Variants in PRKAG2 observed in about 807,000 individuals in gnomAD.
PRKAG2 encodes 5'-AMP-activated protein kinase subunit gamma-2.
In PRKAG2, 26 loss-of-function variants were observed where a neutral mutation model predicts 69.6. The ratio of observed to expected loss-of-function variants is 0.37; its 90% CI spans 0.27 to 0.52. The LOEUF (loss-of-function observed/expected upper bound fraction) is 0.52. Ranked by LOEUF, PRKAG2 falls within the 20% of genes least tolerant of loss-of-function variation. The probability of loss-of-function intolerance (pLI) is 0.90; values close to 1 mark genes in which losing one functional copy is unlikely to be tolerated. For missense variants in PRKAG2, 557 were observed against 740.0 expected (o/e 0.75, Z 2.87); for synonymous variants, 293 against 285.0 (o/e 1.03, Z -0.28).
intron 3 of PRKAG2, among the ~76,000 whole-genome samples, chr7:151,762,872 C>T (rs561557759): frequency 5.3e-5 from 8 of 152,314 alleles, no homozygotes; most frequent in Admixed American, 2.6e-4. Flanking sequence ...TGACTGATGG[C>T]TGGCTGGGAT....
chr7:151,801,746 G>A (rs1435879505), intron 1 of PRKAG2, among the ~76,000 whole-genome samples: 1 of 152,258 alleles, frequency 6.6e-6, no homozygotes, highest in East Asian at 1.9e-4. Flanking sequence ...CTGCTGAGAT[G>A]TGAGGCCAAA....
chr7:151,761,241 T>C (rs2075396568), intron 3 of PRKAG2, among the ~76,000 whole-genome samples: 2 of 152,162 alleles, frequency 1.3e-5, no homozygotes, highest in African/African-American at 2.4e-5. Context: ...AAAACACCAT[T>C]GCAAAACTAA....
intron 1 of PRKAG2, among the ~76,000 whole-genome samples, chr7:151,845,946 G>A (rs79307466): frequency 0.011 from 1,749 of 152,278 alleles, 38 homozygotes; most frequent in African/African-American, 0.039. Context: ...GAACACAGAC[G>A]GGTGCTGTCC....
At chr7:151,560,343 C>G (rs1050436959) in intron 15 of PRKAG2, 181 bp downstream of exon 15, 7 of 1,516,460 alleles carry the variant, frequency 4.6e-6, no homozygotes, top group Non-Finnish European at 6.2e-6. Context: ...ACACTTTCCT[C>G]ACTCACGCAG....
rs1360070443 is a variant in PRKAG2, at chr7:151,850,337, G to A, written c.114+26170C>T. ...CCAGAAGGTTTCTCCTGGAAGGAGG[G>A]ATCAAATCTGTCTAAGCTCCGAAGT... On this transcript the variant is annotated intron_variant, in intron 1 of 15. Transcript: ENST00000287878. This position sits in a 1 kb window ranked among gnomAD's most constrained non-coding sequence, Gnocchi z 4.1. Among the ~76,000 whole-genome samples, 1 of 152,204 alleles carries A rather than the reference G, an allele frequency of 6.6e-6. No homozygotes were observed. The highest frequency in any genetic ancestry group is 2.4e-5 in the African/African-American group (1 of 41,454).
intron 4 of PRKAG2, among the ~76,000 whole-genome samples, chr7:151,674,230 C>G (rs528481527): frequency 6.6e-5 from 10 of 152,302 alleles, no homozygotes; most frequent in Non-Finnish European, 1.5e-4. Flanking sequence ...TGGAGTAACA[C>G]TGTCACAAGC....
chr7:151,574,584 C>T (rs1016250769), intron 8 of PRKAG2, among the ~76,000 whole-genome samples: 13 of 152,166 alleles, frequency 8.5e-5, no homozygotes, highest in African/African-American at 3.1e-4. Context: ...ACTTACAGAA[C>T]GTCTAGCTAA....
intron 3 of PRKAG2, among the ~76,000 whole-genome samples, chr7:151,735,172 T>C (rs1799578313): frequency 6.6e-6 from 1 of 152,034 alleles, no homozygotes; most frequent in Non-Finnish European, 1.5e-5. Context: ...TCTTAATAAA[T>C]GAAATCTGAC....
intron 1 of PRKAG2, among the ~76,000 whole-genome samples, chr7:151,831,125 G>A (rs566209591): frequency 1.3e-5 from 2 of 152,246 alleles, no homozygotes; most frequent in South Asian, 2.1e-4. Context: ...CATATTGCTG[G>A]GAATTGCTGG....
chr7:151,876,452 G>A, intron 1 of PRKAG2, 55 bp downstream of exon 1: 1 of 1,530,592 alleles, frequency 6.5e-7, no homozygotes, highest in South Asian at 1.1e-5. Context: ...CTTCGGCGCC[G>A]GGGACGGGAG....
At chr7:151,863,217 A>G (rs2079980574) in intron 1 of PRKAG2, among the ~76,000 whole-genome samples, 1 of 150,194 alleles carries the variant, frequency 6.7e-6, no homozygotes, top group South Asian at 2.1e-4. Context: ...GGGTAGAGGC[A>G]GCACTGGTAA....
intron 1 of PRKAG2, among the ~76,000 whole-genome samples, chr7:151,822,281 A>G (rs952916580): frequency 1.3e-5 from 2 of 152,118 alleles, no homozygotes; most frequent in Non-Finnish European, 2.9e-5. Context: ...TGGGTTCAGG[A>G]GGGCAGCAGG....
In PRKAG2 at chr7:151,632,057, G is replaced by A. The variant is rs1824631345; in HGVS notation, c.754+12C>T. On this transcript the variant is annotated intron_variant, in intron 5 of 15. Transcript: ENST00000287878. The surrounding 1 kb of genome is among the most constrained non-coding windows in gnomAD (Gnocchi z 4.2). The stretch of plus-strand genomic sequence containing the variant: ...GGGAGCGCCGGGCCGGCAGCGGGCG[G>A]GGCGCACTCACCTTCGTCCTCGAAC... The A allele has an allele frequency of 1.4e-6, 2 of 1,379,458 alleles. No individual in the cohort carries two copies. The highest frequency in any genetic ancestry group is 1.9e-6 in the Non-Finnish European group (2 of 1,052,626). The allele number at this position is 1,379,458 out of a possible 1,614,324, so 85.5% of individuals were successfully genotyped here.
At chr7:151,748,971 C>A (rs918056286) in intron 3 of PRKAG2, among the ~76,000 whole-genome samples, 7 of 146,106 alleles carry the variant, frequency 4.8e-5, no homozygotes, top group African/African-American at 2.0e-4. Context: ...GTTTTCTGGG[C>A]TTTAGGCAAC....
intron 3 of PRKAG2, among the ~76,000 whole-genome samples, chr7:151,741,538 G>C (rs961970674): frequency 2.7e-4 from 41 of 152,220 alleles, no homozygotes; most frequent in African/African-American, 9.9e-4. Flanking sequence ...AGCTGGGCAT[G>C]GTGGTGCATG....
intron 3 of PRKAG2, among the ~76,000 whole-genome samples, chr7:151,755,012 G>A (rs962118285): frequency 8.5e-5 from 13 of 152,262 alleles, no homozygotes; most frequent in Admixed American, 8.5e-4. Flanking sequence ...GAGTGCTCTT[G>A]GGCCTGACAA....
intron 1 of PRKAG2, among the ~76,000 whole-genome samples, chr7:151,859,941 T>C (rs1474913301): frequency 6.6e-6 from 1 of 152,120 alleles, no homozygotes; most frequent in Non-Finnish European, 1.5e-5. Flanking sequence ...GGACGCAGGG[T>C]TGCAGGACAC....
chr7:151,781,298 G>A lies in PRKAG2; in HGVS notation c.320C>T (p.Pro107Leu), dbSNP rs730880985. The A allele has an allele frequency of 6.1e-5, 98 of 1,613,896 alleles. No homozygotes were observed. Among genetic ancestry groups the A allele is most frequent in the Non-Finnish European group, 8.0e-5 (94 of 1,180,022 alleles). ...TGGCGGGGACTCCTGGTAGGAGAAC[G>A]GGAACACGGTTTTGGGAGAGCCGGG... ...TSPGSPKTVFPFSYQESPPRS... is the reference protein window; with the variant it reads ...TSPGSPKTVFLFSYQESPPRS... Residue 107 changes from proline to leucine, a missense_variant, in exon 3 of 16, where the codon CCG (proline) becomes CTG (leucine). Around this residue, in one of 2 missense-constraint regions of PRKAG2, gnomAD observed 352 missense variants for 356.7 expected, o/e 0.99. Coordinates refer to ENST00000287878, the MANE Select transcript of PRKAG2 (RefSeq NM_016203.4). This position sits in a 1 kb window ranked among gnomAD's most constrained non-coding sequence, Gnocchi z 6.1.
Position 151,780,868 on chromosome 7 carries a change from G to A in PRKAG2, c.466+284C>T, listed in dbSNP as rs1266442762. ...TGTCATCTGATTGTCCATACAAGCT[G>A]TACTGTGAGTATCAGGATGTTTACA... On this transcript the variant is annotated intron_variant, in intron 3 of 15. Transcript: ENST00000287878. This position sits in a 1 kb window ranked among gnomAD's most constrained non-coding sequence, Gnocchi z 4.2. Among the ~76,000 whole-genome samples, 1 of 152,224 alleles carries A rather than the reference G, an allele frequency of 6.6e-6. No homozygotes were observed. The highest frequency in any genetic ancestry group is 1.5e-5 in the Non-Finnish European group (1 of 68,046).
Sources: allele counts gnomAD v4.1 joint callset (sites outside exome capture counted in the v4.1 genomes callset), GRCh38; gene constraint gnomAD v4.1.1; regional missense constraint gnomAD v4.1.1; non-coding constraint Gnocchi (gnomAD v3.1); transcripts MANE v1.5; gene names NCBI Gene and HGNC (gene_info 2026-07-23, HGNC 2026-07-21).